The following C1RL variants were observed in gnomAD, a reference collection of about 807,000 sequenced individuals.
The protein encoded by C1RL is complement C1r subcomponent like.
Under a neutral mutation model 27.9 loss-of-function variants are expected in C1RL, and 27 were observed. The observed-to-expected ratio is 0.97, with a 90% confidence interval of 0.71 to 1.33. C1RL has a LOEUF of 1.33. Among genes scored for constraint, C1RL ranks in the 40% most tolerant of loss-of-function variants. The pLI is 0.00. For missense variants in C1RL, 563 were observed against 623.9 expected, an observed-to-expected ratio of 0.90 and a Z score of 1.04; for synonymous variants, 248 against 252.1, an observed-to-expected ratio of 0.98 and a Z score of 0.15.
In C1RL at chr12:7,096,808, G is replaced by C. The variant is rs1938448063; in HGVS notation, c.1047C>G (p.Ile349Met). ...CCGGGAGGACGTTGGGGCCCAGGGGGATGCTGTGCTGCAGCTCCAGGAGGG... is the reference window on the plus strand; with the variant it reads ...CCGGGAGGACGTTGGGGCCCAGGGGCATGCTGTGCTGCAGCTCCAGGAGGG... ...DIALLELQHS[I>M]PLGPNVLPVC... The change falls in exon 6 of 6, where the codon ATC (isoleucine) becomes ATG (methionine). Residue 349 changes from isoleucine (I) to methionine (M), a missense_variant. Transcript: ENST00000266542. The C allele has an allele frequency of 6.2e-7, 1 of 1,605,412 alleles. No homozygotes were observed. The highest frequency in any genetic ancestry group is 1.3e-5 in the African/African-American group (1 of 74,812).
chr12:7,097,357 A>C, intron 5 of C1RL, 194 bp from the exon 6 acceptor site: 1 of 541,504 alleles, frequency 1.8e-6, no homozygotes, highest in Non-Finnish European at 3.2e-6. Context: ...ATCTCGGCTC[A>C]CTGCAACCTC....
Position 7,096,558 on chromosome 12 carries a change from G to T in C1RL, c.1297C>A (p.Gln433Lys). The change falls in exon 6 of 6, where the codon CAG becomes AAG. Residue 433 changes from glutamine (Q) to lysine (K), a missense_variant. Gln to Lys is a moderately conservative substitution (Grantham distance 53). Transcript: ENST00000266542. ...GDETQRHSVC[Q>K]GDSGSVYVVW... ...ACATAGACGCTGCCACTGTCCCCCTGGCAGACACTGTGCCTTTGCGTCTCA... is the reference window on the plus strand; with the variant it reads ...ACATAGACGCTGCCACTGTCCCCCTTGCAGACACTGTGCCTTTGCGTCTCA... 6.2e-7 allele frequency: 1 copy of T among 1,614,090 alleles called. No homozygotes were observed. The highest frequency in any genetic ancestry group is 2.2e-5 in the East Asian group (1 of 44,878).
chr12:7,102,190 A>G (rs1172865199), intron 2 of C1RL, 103 bp from the exon 3 acceptor site: 18 of 1,243,308 alleles, frequency 1.4e-5, no homozygotes, highest in Admixed American at 1.2e-4. Context: ...CCCCATCTAG[A>G]CGGGCCGTGC....
Position 7,094,570 on chromosome 12 carries a change from T to TA in C1RL, c.*1820_*1821insT, listed in dbSNP as rs11343911. On this transcript the variant is annotated 3_prime_UTR_variant, in exon 6 of 6. Transcript: ENST00000266542. ...ACATATAAATATAGGTATATATATA[T>TA]TTTTTTGCCTTGGCAGGGAGAAACT... is the stretch of plus-strand genomic sequence containing the variant. 0.57 allele frequency: 419,560 copies of TA among 730,988 alleles called. 123,534 individuals carry two copies. The highest frequency in any genetic ancestry group is 0.73 in the African/African-American group (38,075 of 52,044). The allele number at this position is 730,988 out of a possible 1,614,324, so 45.3% of individuals were successfully genotyped here.
chr12:7,095,627 G>A lies in C1RL; in HGVS notation c.*764C>T. The A allele has an allele frequency of 7.1e-6, 7 of 985,994 alleles. No individual in the cohort carries two copies. The highest frequency in any genetic ancestry group is 8.4e-6 in the Non-Finnish European group (7 of 830,286). 61.1% of individuals were successfully genotyped at this position (985,994 alleles called of 1,614,324 possible). On this transcript the variant is annotated 3_prime_UTR_variant, in exon 6 of 6. Transcript: ENST00000266542. The stretch of plus-strand genomic sequence containing the variant: ...AATTCCCAGGGAGGGAAAATGGTAA[G>A]GATGTGGGGGCTGGGAGGGAAAGCG...
Position 7,099,925 on chromosome 12 carries a change from G to T in C1RL, c.592C>A (p.Pro198Thr). ...PAKVQNHCQE[P>T]YYQAAAAGAL... Reference sequence around the variant, plus strand: ...CCTGCTGCCGCGGCCTGATAATAGGGCTCCTGGCAGTGGTTCTGGACCTTG... The same window carrying T: ...CCTGCTGCCGCGGCCTGATAATAGGTCTCCTGGCAGTGGTTCTGGACCTTG... The change falls in exon 4 of 6, where the codon CCC (proline) becomes ACC (threonine). Residue 198 changes from proline to threonine, a missense_variant. By Grantham distance (38) the Pro-to-Thr change is conservative. Transcript: ENST00000266542. The T allele has an allele frequency of 6.2e-7, 1 of 1,614,080 alleles. No individual in the cohort carries two copies. The highest frequency in any genetic ancestry group is 8.5e-7 in the Non-Finnish European group (1 of 1,180,022).
At chr12:7,101,678 C>T (rs758787353) in intron 3 of C1RL, 10 of 565,292 alleles carry the variant, frequency 1.8e-5, no homozygotes, top group South Asian at 1.6e-4. Context: ...TCTGCAAACA[C>T]TGGGCCTGTA....
At chr12:7,099,225 C>CAAAAAAAAAAAAAAAAAAAAAAAA (rs1180325788) in intron 5 of C1RL, among the ~76,000 whole-genome samples, 5 of 44,392 alleles carry the variant, frequency 1.1e-4, no homozygotes, top group Admixed American at 3.5e-4. Context: ...AACTCCATCC[C>CAAAAAAAAAAAAAAAAAAAAAAAA]AAAAAAAAAA....
At position 7,099,961 on chromosome 12, in the gene C1RL, C is replaced by T; in HGVS notation, c.556G>A (p.Asp186Asn). The T allele has an allele frequency of 6.2e-7, 1 of 1,614,028 alleles. No homozygotes were observed. Among genetic ancestry groups the T allele is most frequent in the Non-Finnish European group, 8.5e-7 (1 of 1,180,012 alleles). ...TGGTTCTGGACCTTGGCAGGGTTGT[C>T]TCCAGGTGCGTTGATGGCCTCAGAG... Reference protein sequence around the residue: ...RGSEAINAPGDNPAKVQNHCQ... With the variant: ...RGSEAINAPGNNPAKVQNHCQ... Residue 186 changes from aspartate (D) to asparagine (N), a missense_variant, in exon 4 of 6, where the codon GAC (aspartate) becomes AAC (asparagine). Physicochemically the swap from Asp to Asn is conservative, Grantham distance 23. Coordinates refer to ENST00000266542, the MANE Select transcript of C1RL (RefSeq NM_016546.4).
In C1RL at chr12:7,100,009, G is replaced by A. The variant is rs761961965; in HGVS notation, c.508C>T (p.Pro170Ser). Residue 170 changes from proline (P) to serine (S), a missense_variant, in exon 4 of 6, where the codon CCC (proline) becomes TCC (serine). Pro to Ser is a moderately conservative substitution (Grantham distance 74). Transcript: ENST00000266542. ...YQTVAVNYSQ[P>S]ISEASRGSEA... Reference sequence around the variant, plus strand: ...GAGCCCCTGCTGGCCTCGCTGATGGGCTGACTATAGTTCACAGCTATAGGA... The same window carrying A: ...GAGCCCCTGCTGGCCTCGCTGATGGACTGACTATAGTTCACAGCTATAGGA... 2 of 1,612,700 alleles carry A rather than the reference G, an allele frequency of 1.2e-6. No individual in the cohort carries two copies. Among genetic ancestry groups the A allele is most frequent in the East Asian group, 2.2e-5 (1 of 44,866 alleles).
Position 7,095,475 on chromosome 12 carries a change from T to C in C1RL, c.*916A>G. 1.0e-6 allele frequency: 1 copy of C among 991,564 alleles called. No individual in the cohort carries two copies. The highest frequency in any genetic ancestry group is 1.2e-6 in the Non-Finnish European group (1 of 833,342). The allele number at this position is 991,564 out of a possible 1,614,324, so 61.4% of individuals were successfully genotyped here. A position where few individuals can be genotyped will look rare whatever the true frequency, so the allele number is the denominator to read the frequency against. ...GTCCTCTCAGGTGGAGCAGTTCCCC[T>C]GATGATAGGGGCACAGGTGGGGTGT... On this transcript the variant is annotated 3_prime_UTR_variant, in exon 6 of 6. Coordinates refer to ENST00000266542, the MANE Select transcript of C1RL (RefSeq NM_016546.4).
At chr12:7,102,110 G>C (rs1938645825) in intron 2 of C1RL, 23 bp from the exon 3 acceptor site, 1 of 1,595,956 alleles carries the variant, frequency 6.3e-7, no homozygotes, top group Admixed American at 1.7e-5. Context: ...GGAGGAGTGA[G>C]GCTGCAGATA....
In C1RL at chr12:7,094,561, A is replaced by G. The variant is rs1411613771; in HGVS notation, c.*1830T>C. ...TAGACATACACATATAAATATAGGT[A>G]TATATATATTTTTTTGCCTTGGCAG... On this transcript the variant is annotated 3_prime_UTR_variant, in exon 6 of 6. Transcript: ENST00000266542. The G allele has an allele frequency of 1.9e-6, 1 of 539,134 alleles. No homozygotes were observed. Among genetic ancestry groups the G allele is most frequent in the Non-Finnish European group, 2.2e-6 (1 of 459,490 alleles). 33.4% of individuals were successfully genotyped at this position (539,134 alleles called of 1,614,324 possible). A position where few individuals can be genotyped will look rare whatever the true frequency, so the allele number is the denominator to read the frequency against.
chr12:7,106,630 CAGA>C (rs1387018632), intron 2 of C1RL, among the ~76,000 whole-genome samples: 4 of 152,080 alleles, frequency 2.6e-5, no homozygotes, highest in Non-Finnish European at 5.9e-5. Flanking sequence ...TTGAGTATTT[CAGA>C]AGAAGATTTA....
At chr12:7,101,766 TG>T in intron 3 of C1RL, 131 bp downstream of exon 3, 1 of 938,616 alleles carries the variant, frequency 1.1e-6, no homozygotes, top group Non-Finnish European at 1.7e-6. Context: ...GGGGCAGGGC[TG>T]GGATCCAGCC....
At chr12:7,097,486 T>C (rs1413792146) in intron 5 of C1RL, among the ~76,000 whole-genome samples, 2 of 152,040 alleles carry the variant, frequency 1.3e-5, no homozygotes, top group Non-Finnish European at 2.9e-5. Context: ...TTTCATCATG[T>C]GGGCCAGGCT....
intron 1 of C1RL, 98 bp downstream of exon 1, chr12:7,109,009 TGTG>T (rs1565640656): frequency 1.7e-5 from 6 of 352,818 alleles, no homozygotes; most frequent in African/African-American, 1.0e-4. Context: ...GGGATGTGTG[TGTG>T]GGGGGGGTAG....
chr12:7,096,893 C>T lies in C1RL; in HGVS notation c.962G>A (p.Arg321His), dbSNP rs138272943. ...MLKLGNHPVHRVVVHPDYRQN... is the reference protein window; with the variant it reads ...MLKLGNHPVHHVVVHPDYRQN... The stretch of plus-strand genomic sequence containing the variant: ...ACGGTAGTCGGGGTGCACAACGACA[C>T]GGTGGACAGGGTGGTTCCCCAGTTT... The change falls in exon 6 of 6, where the codon CGT becomes CAT. Residue 321 changes from arginine to histidine, a missense_variant. Transcript: ENST00000266542. The T allele has an allele frequency of 3.8e-6, 6 of 1,599,540 alleles. No homozygotes were observed. Among genetic ancestry groups the T allele is most frequent in the South Asian group, 1.1e-5 (1 of 88,938 alleles).
At position 7,094,602 on chromosome 12, in the gene C1RL, A is replaced by AT. The variant is rs1411619031; in HGVS notation, c.*1788dup. 4.8e-5 allele frequency: 45 copies of AT among 945,880 alleles called. No homozygotes were observed. The highest frequency in any genetic ancestry group is 5.4e-4 in the Middle Eastern group (1 of 1,836). 58.6% of individuals were successfully genotyped at this position (945,880 alleles called of 1,614,324 possible). ...GCCTTGGCAGGGAGAAACTCATATC[A>AT]TTTTTTGCAATCATAAAAATAAGCA... On this transcript the variant is annotated 3_prime_UTR_variant, in exon 6 of 6. Transcript: ENST00000266542.
Sources: gnomAD v4.1 joint callset for allele counts (sites outside exome capture counted in the v4.1 genomes callset) on GRCh38, gnomAD v4.1.1 for gene constraint, MANE v1.5 for transcripts, NCBI Gene and HGNC (gene_info 2026-07-23, HGNC 2026-07-21) for gene names.